Variants in MALRD1 observed in about 807,000 individuals in gnomAD.
MALRD1 encodes the protein MAM and LDL-receptor class A domain-containing protein 1.
In MALRD1, 247 loss-of-function variants were observed where a neutral mutation model predicts 242.1. The ratio of observed to expected loss-of-function variants is 1.02; its 90% CI spans 0.92 to 1.13. The LOEUF (loss-of-function observed/expected upper bound fraction) is 1.13. MALRD1 is among the 50% of genes most tolerant of loss of function. MALRD1 has a pLI of 0.00. For synonymous variants in MALRD1, 995 were observed against 866.6 expected (o/e 1.15, Z -2.60); for missense variants, 2,989 against 2,533.1 (o/e 1.18, Z -3.86).
At chr10:19,320,096 C>A (rs151201384) in intron 21 of MALRD1, among the ~76,000 whole-genome samples, 2,254 of 114,442 alleles carry the variant, frequency 0.02, 64 homozygotes, top group African/African-American at 0.072. Context: ...GATATATGTG[C>A]TGAATGTGCA....
chr10:19,086,544 C>A (rs1455594623), intron 2 of MALRD1, among the ~76,000 whole-genome samples: 6 of 152,068 alleles, frequency 3.9e-5, no homozygotes, highest in African/African-American at 1.4e-4. Context: ...TTTATCCGTA[C>A]TGCAGTGCAT....
intron 35 of MALRD1, 95 bp downstream of exon 35, chr10:19,607,997 G>A: frequency 7.0e-7 from 1 of 1,423,334 alleles, no homozygotes. Flanking sequence ...CTAAACAATG[G>A]CAAGCATGGA....
intron 36 of MALRD1, among the ~76,000 whole-genome samples, chr10:19,651,344 T>C (rs536047525): frequency 6.6e-6 from 1 of 152,252 alleles, no homozygotes; most frequent in South Asian, 2.1e-4. Context: ...TCTTTCTAAA[T>C]TAAAAACAAG....
rs1263373243 is a variant in MALRD1 at position 19,710,339 on chromosome 10, G to A, written c.6314+17785G>A. ...TGCATGATGAACCCTTTTTAAAAAA[G>A]TAATAATCATATTTATTGATGAAAC... On this transcript the variant is annotated intron_variant, in intron 38 of 39. Coordinates refer to ENST00000454679, the MANE Select transcript of MALRD1 (RefSeq NM_001142308.3). The A allele has an allele frequency of 2.6e-5, 4 of 151,916 alleles. No homozygotes were observed. The East Asian group carries it at 5.8e-4, about 22-fold the overall frequency. The allele number at this position is 151,916 out of a possible 1,614,324, so 9.4% of individuals were successfully genotyped here. A position where few individuals can be genotyped will look rare whatever the true frequency, so the allele number is the denominator to read the frequency against.
intron 5 of MALRD1, among the ~76,000 whole-genome samples, chr10:19,118,804 A>T (rs563505877): frequency 4.1e-4 from 62 of 152,188 alleles, no homozygotes; most frequent in Middle Eastern, 6.8e-3. Context: ...TAATTTTTTT[A>T]TTTATATATC....
chr10:19,113,078 A>AT (rs112900717), intron 5 of MALRD1, among the ~76,000 whole-genome samples: 27 of 151,326 alleles, frequency 1.8e-4, no homozygotes, highest in Non-Finnish European at 3.7e-4. Context: ...TCCAGCCCAC[A>AT]TTTTTTTTCC....
chr10:19,440,425 A>G (rs1050730675), intron 28 of MALRD1, among the ~76,000 whole-genome samples: 1 of 151,874 alleles, frequency 6.6e-6, no homozygotes. Flanking sequence ...TACATGTGTC[A>G]TGTTGGTGTG....
intron 25 of MALRD1, among the ~76,000 whole-genome samples, chr10:19,351,574 A>G (rs60458336): frequency 0.041 from 6,280 of 152,304 alleles, 213 homozygotes; most frequent in African/African-American, 0.094. Flanking sequence ...AAAGAAGAAA[A>G]TAAAATAATT....
chr10:19,139,734 A>T (rs1403352108), intron 10 of MALRD1, among the ~76,000 whole-genome samples: 1 of 152,178 alleles, frequency 6.6e-6, no homozygotes, highest in African/African-American at 2.4e-5. Flanking sequence ...GTTTTGCTGC[A>T]GCAGCAGACT....
At chr10:19,690,114 T>C (rs1371511379) in intron 36 of MALRD1, among the ~76,000 whole-genome samples, 1 of 152,064 alleles carries the variant, frequency 6.6e-6, no homozygotes. Flanking sequence ...CTAAAATCTT[T>C]TTTTGTAACA....
intron 32 of MALRD1, among the ~76,000 whole-genome samples, chr10:19,550,404 G>T (rs1835423547): frequency 6.6e-6 from 1 of 152,044 alleles, no homozygotes; most frequent in Non-Finnish European, 1.5e-5. Flanking sequence ...ATAAACATGT[G>T]TCTTGGTTTT....
intron 28 of MALRD1, among the ~76,000 whole-genome samples, chr10:19,449,412 T>C (rs1025524318): frequency 2.8e-4 from 43 of 152,316 alleles, no homozygotes; most frequent in African/African-American, 9.4e-4. Flanking sequence ...CTTGATCTTG[T>C]GATCCGAGTA....
At chr10:19,553,411 C>A in intron 32 of MALRD1, among the ~76,000 whole-genome samples, 1 of 151,708 alleles carries the variant, frequency 6.6e-6, no homozygotes, top group East Asian at 1.9e-4. Flanking sequence ...GGCTAATAAC[C>A]AATATGTCAG....
intron 12 of MALRD1, among the ~76,000 whole-genome samples, chr10:19,155,476 A>C (rs1834109859): frequency 6.6e-6 from 1 of 152,234 alleles, no homozygotes; most frequent in Non-Finnish European, 1.5e-5. Context: ...AACAGTGTAC[A>C]TTGAGAAAAA....
At chr10:19,172,354 G>T (rs1034106051) in intron 13 of MALRD1, among the ~76,000 whole-genome samples, 1 of 151,314 alleles carries the variant, frequency 6.6e-6, no homozygotes, top group Admixed American at 6.6e-5. Context: ...TTTAAAATTC[G>T]TATGATTTTA....
intron 18 of MALRD1, among the ~76,000 whole-genome samples, chr10:19,216,959 TA>T (rs5783663): frequency 0.71 from 101,959 of 144,246 alleles, 35,679 homozygotes; most frequent in South Asian, 0.83. Flanking sequence ...AAAAAAAAAA[TA>T]AAAATAAAAT....
chr10:19,163,708 C>A (rs1272700724), intron 12 of MALRD1, among the ~76,000 whole-genome samples: 1 of 152,160 alleles, frequency 6.6e-6, no homozygotes, highest in Non-Finnish European at 1.5e-5. Context: ...GTATCAATAA[C>A]TTTTGTTCAG....
intron 22 of MALRD1, among the ~76,000 whole-genome samples, chr10:19,326,513 A>T (rs754781117): frequency 2.6e-5 from 4 of 152,092 alleles, no homozygotes; most frequent in Admixed American, 6.6e-5. Flanking sequence ...TAATATAAAG[A>T]AGACTCATTT....
At chr10:19,531,782 A>G (rs1834428101) in intron 32 of MALRD1, among the ~76,000 whole-genome samples, 1 of 152,192 alleles carries the variant, frequency 6.6e-6, no homozygotes, top group South Asian at 2.1e-4. Context: ...TAAAATCAAC[A>G]TGCGCGCTCT....
Sources: allele counts gnomAD v4.1 joint callset (sites outside exome capture counted in the v4.1 genomes callset), GRCh38; gene constraint gnomAD v4.1.1; transcripts MANE v1.5; gene names NCBI Gene and HGNC (gene_info 2026-07-23, HGNC 2026-07-21).